Variants in RNF157 observed in about 807,000 individuals in gnomAD.
The protein encoded by RNF157 is ring finger protein 157.
Under a neutral mutation model 88.3 loss-of-function variants are expected in RNF157, and 55 were observed. That is an observed-to-expected ratio of 0.62 (90% CI 0.50 to 0.78). RNF157 has a LOEUF of 0.78. RNF157 is among the 30% of genes least tolerant of loss of function. The pLI is 0.00. For missense variants in RNF157, 788 were observed against 860.8 expected (o/e 0.92, Z 1.06); for synonymous variants, 334 against 341.2 (o/e 0.98, Z 0.23).
In RNF157 at chr17:76,217,885, T is replaced by C. The variant is rs1483725590; in HGVS notation, c.89-5403A>G. ...TTTAAAAAGTCACATCATACACATA[T>C]CTCCAAGATTATACGTAAACCGTAA... On this transcript the variant is annotated intron_variant, in intron 1 of 18. Transcript: ENST00000269391. Among the ~76,000 whole-genome samples the C allele has an allele frequency of 4.6e-5, 7 of 152,078 alleles. No homozygotes were observed. The East Asian group carries it at 1.3e-3, about 29-fold the overall frequency.
chr17:76,207,454 T>C (rs192222409), intron 2 of RNF157, among the ~76,000 whole-genome samples: 237 of 152,246 alleles, frequency 1.6e-3, no homozygotes, highest in African/African-American at 5.6e-3. Flanking sequence ...CTTTGATGGA[T>C]TATCCTAAGT....
chr17:76,212,329 A>C, intron 2 of RNF157, 35 bp downstream of exon 2: 3 of 1,409,044 alleles, frequency 2.1e-6, no homozygotes. Flanking sequence ...TGGCCACTTA[A>C]GCTCCAAGTA....
chr17:76,232,139 T>TTG (rs764827180), intron 1 of RNF157, among the ~76,000 whole-genome samples: 36 of 152,276 alleles, frequency 2.4e-4, no homozygotes, highest in Admixed American at 2.0e-4. Context: ...TTCCTGCACT[T>TTG]TGAGAGGCCG....
At chr17:76,158,754 C>A (rs1193254317) in intron 12 of RNF157, among the ~76,000 whole-genome samples, 1 of 152,072 alleles carries the variant, frequency 6.6e-6, no homozygotes, top group Non-Finnish European at 1.5e-5. Context: ...GGCTCGAAAC[C>A]CAAATCTTAA....
At chr17:76,198,524 C>T (rs1166293633) in intron 2 of RNF157, among the ~76,000 whole-genome samples, 1 of 152,162 alleles carries the variant, frequency 6.6e-6, no homozygotes, top group Non-Finnish European at 1.5e-5. Flanking sequence ...CCTGAACATA[C>T]TCTAATTACC....
intron 1 of RNF157, chr17:76,226,366 A>G: frequency 1.9e-6 from 3 of 1,595,858 alleles, no homozygotes; most frequent in Admixed American, 3.3e-5. Context: ...GTTTTGTTAA[A>G]CTTTCTGGGA....
At chr17:76,207,645 T>C (rs2069704055) in intron 2 of RNF157, among the ~76,000 whole-genome samples, 1 of 152,244 alleles carries the variant, frequency 6.6e-6, no homozygotes, top group Non-Finnish European at 1.5e-5. Flanking sequence ...GAGTCGTTCT[T>C]GCCGCATGCT....
Position 76,226,203 on chromosome 17 carries a change from C to T in RNF157, c.89-13721G>A, listed in dbSNP as rs573066061. On this transcript the variant is annotated intron_variant, in intron 1 of 18. Transcript: ENST00000269391. ...TCCTTTATGCACTGAGGGATCATGG[C>T]AACGTAAGCAGTGGAGTCCGGCTTC... 3.2e-5 allele frequency: 52 copies of T among 1,611,390 alleles called. 1 individual carries two copies. The Admixed American group carries it at 7.1e-4, about 22-fold the overall frequency.
intron 1 of RNF157, among the ~76,000 whole-genome samples, chr17:76,228,772 T>G (rs1332904143): frequency 1.3e-5 from 2 of 151,696 alleles, no homozygotes. Context: ...AAATACAAAC[T>G]TAGCCGGGCG....
rs749621268 is a variant in RNF157 at position 76,145,317 on chromosome 17, T to C, written c.1958A>G (p.Asn653Ser). Reference protein sequence around the residue: ...WQADDNAVSRNAQRRRLSSSS... With the variant: ...WQADDNAVSRSAQRRRLSSSS... Reference sequence around the variant, plus strand: ...GGATGACAAGCGCCGGCGCTGGGCATTCCGACTGACGGCATTGTCATCAGC... The same window carrying C: ...GGATGACAAGCGCCGGCGCTGGGCACTCCGACTGACGGCATTGTCATCAGC... The change falls in exon 19 of 19, where the codon AAT becomes AGT. Residue 653 changes from asparagine to serine, a missense_variant. Physicochemically the swap from Asn to Ser is conservative, Grantham distance 46. Coordinates refer to ENST00000269391, the MANE Select transcript of RNF157 (RefSeq NM_052916.3). The C allele has an allele frequency of 4.3e-5, 70 of 1,612,858 alleles. No individual in the cohort carries two copies. Among genetic ancestry groups the C allele is most frequent in the Non-Finnish European group, 5.5e-5 (65 of 1,179,660 alleles).
Position 76,157,443 on chromosome 17 carries a change from T to C in RNF157, c.1413+950A>G, listed in dbSNP as rs2068784624. On this transcript the variant is annotated intron_variant, in intron 13 of 18. Transcript: ENST00000269391. The surrounding 1 kb of genome is among the most constrained non-coding windows in gnomAD (Gnocchi z 5.6). Reference sequence around the variant, plus strand: ...CTCTGTGCCTTTGCATGCATCGTCTTCTCCACATGGATGTTTCTCTCACCT... The same window carrying C: ...CTCTGTGCCTTTGCATGCATCGTCTCCTCCACATGGATGTTTCTCTCACCT... 2.0e-5 allele frequency among the ~76,000 whole-genome samples: 3 copies of C among 152,204 alleles called. No individual in the cohort carries two copies. Among genetic ancestry groups the C allele is most frequent in the South Asian group, 2.1e-4 (1 of 4,834 alleles).
At chr17:76,226,014 C>T (rs2070077591) in intron 1 of RNF157, 1 of 1,611,178 alleles carries the variant, frequency 6.2e-7, no homozygotes, top group African/African-American at 1.3e-5. Flanking sequence ...ATCTTCTCTC[C>T]AGGAGGATCG....
At chr17:76,165,398 A>G in intron 7 of RNF157, 104 bp downstream of exon 7, 1 of 1,156,882 alleles carries the variant, frequency 8.6e-7, no homozygotes, top group Non-Finnish European at 1.3e-6. Flanking sequence ...CTCTAAAGCC[A>G]GACCCATTCT....
chr17:76,155,495 G>C (rs919368194), intron 15 of RNF157, 67 bp downstream of exon 15: 2 of 1,572,664 alleles, frequency 1.3e-6, no homozygotes, highest in African/African-American at 2.7e-5. Context: ...CAGACCTTTG[G>C]TTATGCTACT....
At chr17:76,196,027 C>T (rs1568055183) in intron 2 of RNF157, among the ~76,000 whole-genome samples, 1 of 152,186 alleles carries the variant, frequency 6.6e-6, no homozygotes, top group Non-Finnish European at 1.5e-5. Flanking sequence ...TTAATTTGCA[C>T]ATAATTAAAA....
Position 76,146,763 on chromosome 17 carries a change from A to G in RNF157, c.1922-1410T>C. On this transcript the variant is annotated intron_variant, in intron 18 of 18. Coordinates refer to ENST00000269391, the MANE Select transcript of RNF157 (RefSeq NM_052916.3). This position sits in a 1 kb window ranked among gnomAD's most constrained non-coding sequence, Gnocchi z 4.2. Reference sequence around the variant, plus strand: ...GGGGCCGTGACTTCTTCACTGTTGCAGTCCAGAGCCCAGCACAACACCTGA... The same window carrying G: ...GGGGCCGTGACTTCTTCACTGTTGCGGTCCAGAGCCCAGCACAACACCTGA... 1.0e-6 allele frequency: 1 copy of G among 985,172 alleles called. No individual in the cohort carries two copies. Among genetic ancestry groups the G allele is most frequent in the Non-Finnish European group, 1.2e-6 (1 of 829,656 alleles). The allele number at this position is 985,172 out of a possible 1,614,324, so 61.0% of individuals were successfully genotyped here. A position where few individuals can be genotyped will look rare whatever the true frequency, so the allele number is the denominator to read the frequency against.
At chr17:76,200,837 C>T (rs971338214) in intron 2 of RNF157, among the ~76,000 whole-genome samples, 6 of 152,146 alleles carry the variant, frequency 3.9e-5, no homozygotes, top group African/African-American at 7.2e-5. Context: ...CATACCATTT[C>T]GAATCAACTG....
At chr17:76,171,683 C>A (rs138002955) in intron 3 of RNF157, among the ~76,000 whole-genome samples, 2 of 152,286 alleles carry the variant, frequency 1.3e-5, no homozygotes, top group Admixed American at 6.5e-5. Context: ...CCTTCTGTTA[C>A]CTTAATTTTG....
At position 76,142,553 on chromosome 17, in the gene RNF157, A is replaced by G. The variant is rs1568014847; in HGVS notation, c.*2682T>C. 2.0e-5 allele frequency: 3 copies of G among 152,318 alleles called. No individual in the cohort carries two copies. 9.4% of individuals were successfully genotyped at this position (152,318 alleles called of 1,614,324 possible). On this transcript the variant is annotated 3_prime_UTR_variant, in exon 19 of 19. Coordinates refer to ENST00000269391, the MANE Select transcript of RNF157 (RefSeq NM_052916.3). Reference sequence around the variant, plus strand: ...ATTGCATTCTTGATGTCCCCACTGTAGTGTGACCACAAGTGTACTCCAGGG... The same window carrying G: ...ATTGCATTCTTGATGTCCCCACTGTGGTGTGACCACAAGTGTACTCCAGGG...
Sources: allele counts gnomAD v4.1 joint callset (sites outside exome capture counted in the v4.1 genomes callset), GRCh38; gene constraint gnomAD v4.1.1; non-coding constraint Gnocchi (gnomAD v3.1); transcripts MANE v1.5; gene names NCBI Gene and HGNC (gene_info 2026-07-23, HGNC 2026-07-21).